Variants in LRRC4C observed in about 807,000 individuals in gnomAD.
The protein encoded by LRRC4C is leucine-rich repeat-containing protein 4C.
In LRRC4C, 5 loss-of-function variants were observed where a neutral mutation model predicts 33.6. The ratio of observed to expected loss-of-function variants is 0.15; its 90% CI spans 0.08 to 0.31. The LOEUF (loss-of-function observed/expected upper bound fraction) is 0.31, where lower values mean the gene tolerates loss of function less well. Ranked by LOEUF, LRRC4C falls within the 10% of genes least tolerant of loss-of-function variation. The pLI, the probability that LRRC4C is intolerant of heterozygous loss-of-function variation, is 1.00. For synonymous variants in LRRC4C, 329 were observed against 302.0 expected, an observed-to-expected ratio of 1.09 and a Z score of -0.93; for missense variants, 560 against 796.7, an observed-to-expected ratio of 0.70 and a Z score of 3.58.
At chr11:40,777,933 C>T (rs1024180701) in intron 2 of LRRC4C, among the ~76,000 whole-genome samples, 2 of 152,102 alleles carry the variant, frequency 1.3e-5, no homozygotes, top group Admixed American at 6.5e-5. Flanking sequence ...CGTGATCCAC[C>T]CGCCTCGGCC....
chr11:41,194,343 TATATGATA>T (rs1946091083), intron 1 of LRRC4C, among the ~76,000 whole-genome samples: 1 of 152,118 alleles, frequency 6.6e-6, no homozygotes. Context: ...GGGTCAACTA[TATATGATA>T]ATATGAGTAT....
At chr11:41,436,366 A>G (rs1955429334) in intron 1 of LRRC4C, among the ~76,000 whole-genome samples, 1 of 152,172 alleles carries the variant, frequency 6.6e-6, no homozygotes, top group African/African-American at 2.4e-5. Context: ...GGACCATGTT[A>G]TTTCTCAAGA....
At chr11:40,545,923 G>A (rs1050221279) in intron 3 of LRRC4C, among the ~76,000 whole-genome samples, 3 of 151,880 alleles carry the variant, frequency 2.0e-5, no homozygotes, top group African/African-American at 7.3e-5. Flanking sequence ...ATTGGAAAAT[G>A]GTACATTACC....
intron 4 of LRRC4C, among the ~76,000 whole-genome samples, chr11:40,294,920 C>T (rs1413834044): frequency 6.6e-6 from 1 of 152,042 alleles, no homozygotes; most frequent in Admixed American, 6.6e-5. Flanking sequence ...AGGGAGGCTG[C>T]GGTCGAGCAG....
At chr11:40,759,734 C>G (rs1357986458) in intron 2 of LRRC4C, among the ~76,000 whole-genome samples, 2 of 151,914 alleles carry the variant, frequency 1.3e-5, no homozygotes, top group Admixed American at 1.3e-4. Flanking sequence ...ATATCATGAA[C>G]AAAATATCAA....
At chr11:41,344,412 G>A (rs1951738904) in intron 1 of LRRC4C, among the ~76,000 whole-genome samples, 1 of 152,002 alleles carries the variant, frequency 6.6e-6, no homozygotes, top group African/African-American at 2.4e-5. Flanking sequence ...AGTAGAGACG[G>A]TGTTTCACCG....
chr11:40,341,539 G>T (rs140895729), intron 3 of LRRC4C, among the ~76,000 whole-genome samples: 2,404 of 151,870 alleles, frequency 0.016, 53 homozygotes, highest in African/African-American at 0.049. Context: ...GCCTGTTGTG[G>T]GGTGGGAGGG....
At chr11:41,052,646 C>A (rs1858321107) in intron 1 of LRRC4C, among the ~76,000 whole-genome samples, 1 of 151,988 alleles carries the variant, frequency 6.6e-6, no homozygotes, top group Non-Finnish European at 1.5e-5. Flanking sequence ...TGGTAGTTCT[C>A]AAATGCCAAT....
At chr11:40,186,041 T>C (rs2135558268) in intron 5 of LRRC4C, among the ~76,000 whole-genome samples, 1 of 152,298 alleles carries the variant, frequency 6.6e-6, no homozygotes, top group Non-Finnish European at 1.5e-5. Context: ...CTGCAATCTG[T>C]ATTTTGCTTG....
chr11:40,338,969 C>T (rs1005818976), intron 3 of LRRC4C, among the ~76,000 whole-genome samples: 1 of 152,220 alleles, frequency 6.6e-6, no homozygotes, highest in Non-Finnish European at 1.5e-5. Flanking sequence ...TTCGTGTCTG[C>T]GTTCATCCTT....
intron 1 of LRRC4C, among the ~76,000 whole-genome samples, chr11:41,155,603 G>A (rs12577510): frequency 0.043 from 6,544 of 152,078 alleles, 159 homozygotes; most frequent in East Asian, 0.069. Context: ...GTAACATGGG[G>A]CATAGCCAGT....
intron 1 of LRRC4C, among the ~76,000 whole-genome samples, chr11:41,447,189 A>G (rs1955852235): frequency 6.6e-6 from 1 of 152,166 alleles, no homozygotes; most frequent in Non-Finnish European, 1.5e-5. Context: ...TATTAGCTGT[A>G]TTATCTTTGC....
chr11:40,963,151 T>C (rs1448107793), intron 1 of LRRC4C, among the ~76,000 whole-genome samples: 1 of 151,748 alleles, frequency 6.6e-6, no homozygotes, highest in Non-Finnish European at 1.5e-5. Flanking sequence ...CACACTATTA[T>C]TTTTATTACA....
rs112665583 is a variant in LRRC4C, at chr11:40,226,997, A to G, written c.-96+14522T>C. On this transcript the variant is annotated intron_variant, in intron 5 of 6. Transcript: ENST00000528697. ...TAAATCTCACATCCTCCCCTCCTGA[A>G]AGGTGAGACCTCAAAGGCTGTTTTT... 7.1e-3 allele frequency among the ~76,000 whole-genome samples: 1,086 copies of G among 152,238 alleles called. 2 individuals are homozygous for G. Among genetic ancestry groups the G allele is most frequent in the Non-Finnish European group, 9.9e-3 (672 of 68,012 alleles).
At chr11:41,310,757 A>C (rs1950622146) in intron 1 of LRRC4C, among the ~76,000 whole-genome samples, 1 of 152,206 alleles carries the variant, frequency 6.6e-6, no homozygotes, top group African/African-American at 2.4e-5. Context: ...AATAAAAAAA[A>C]CCAACATTGT....
chr11:40,195,513 G>A (rs1170352116), intron 5 of LRRC4C, among the ~76,000 whole-genome samples: 1 of 152,106 alleles, frequency 6.6e-6, no homozygotes, highest in Non-Finnish European at 1.5e-5. Context: ...GGGTAGCAGA[G>A]GTGGGGTCAG....
intron 2 of LRRC4C, among the ~76,000 whole-genome samples, chr11:40,793,523 G>C (rs990755102): frequency 6.6e-6 from 1 of 152,158 alleles, no homozygotes; most frequent in African/African-American, 2.4e-5. Context: ...AGCTTTGCAT[G>C]TATTAACTCA....
chr11:40,219,087 G>T (rs1279113551), intron 5 of LRRC4C, among the ~76,000 whole-genome samples: 1 of 152,082 alleles, frequency 6.6e-6, no homozygotes, highest in East Asian at 1.9e-4. Flanking sequence ...CATACACTCT[G>T]TGCTTTTATA....
chr11:41,302,307 A>T (rs1380337603), intron 1 of LRRC4C, among the ~76,000 whole-genome samples: 1 of 152,210 alleles, frequency 6.6e-6, no homozygotes, highest in African/African-American at 2.4e-5. Context: ...CAAGGGATAC[A>T]TGCATTACTC....
Sources: gnomAD v4.1 joint callset for allele counts (sites outside exome capture counted in the v4.1 genomes callset) on GRCh38, gnomAD v4.1.1 for gene constraint, MANE v1.5 for transcripts, NCBI Gene and HGNC (gene_info 2026-07-23, HGNC 2026-07-21) for gene names.